Variants in PLCL1 observed in about 807,000 individuals in gnomAD.
PLCL1 encodes the protein phospholipase C like 1 (inactive), also known as inactive phospholipase C-like protein 1.
PLCL1 carries 41 observed loss-of-function variants against 84.4 expected under a neutral mutation model. The ratio of observed to expected loss-of-function variants is 0.49; its 90% CI spans 0.38 to 0.63. The LOEUF (loss-of-function observed/expected upper bound fraction) is 0.63, where lower values mean the gene tolerates loss of function less well. Among genes scored for constraint, PLCL1 ranks in the 30% least tolerant of loss-of-function variants. The probability of loss-of-function intolerance (pLI) is 0.00; values close to 1 mark genes in which losing one functional copy is unlikely to be tolerated. For missense variants in PLCL1, 1,206 were observed against 1,367.8 expected (o/e 0.88, Z 1.87); for synonymous variants, 490 against 488.3 (o/e 1.00, Z -0.05).
At chr2:197,808,550 A>G (rs552780442) in intron 1 of PLCL1, among the ~76,000 whole-genome samples, 2 of 152,354 alleles carry the variant, frequency 1.3e-5, no homozygotes, top group African/African-American at 4.8e-5. Flanking sequence ...AATACATAGC[A>G]AATGTTTTAT....
At chr2:197,861,840 T>C (rs1227355653) in intron 1 of PLCL1, among the ~76,000 whole-genome samples, 1 of 152,214 alleles carries the variant, frequency 6.6e-6, no homozygotes, top group East Asian at 1.9e-4. Context: ...AGAAACTGAC[T>C]TTGTTTTTTT....
At chr2:197,880,144 C>T (rs1687804003) in intron 1 of PLCL1, among the ~76,000 whole-genome samples, 1 of 152,048 alleles carries the variant, frequency 6.6e-6, no homozygotes, top group African/African-American at 2.4e-5. Flanking sequence ...TTATGAATGT[C>T]CAGATCAATA....
At chr2:198,063,332 A>T (rs1692248698) in intron 1 of PLCL1, among the ~76,000 whole-genome samples, 2 of 152,150 alleles carry the variant, frequency 1.3e-5, no homozygotes, top group Non-Finnish European at 2.9e-5. Context: ...GAGGCTGATA[A>T]GTAGGTTCAA....
chr2:197,934,661 A>G (rs1689015033), intron 1 of PLCL1, among the ~76,000 whole-genome samples: 3 of 152,208 alleles, frequency 2.0e-5, no homozygotes, highest in Non-Finnish European at 4.4e-5. Flanking sequence ...AACATTTTAT[A>G]GGTGACAAAA....
At chr2:197,879,163 C>A (rs1366344237) in intron 1 of PLCL1, among the ~76,000 whole-genome samples, 3 of 152,120 alleles carry the variant, frequency 2.0e-5, no homozygotes, top group African/African-American at 7.2e-5. Context: ...CTTAAGGCTG[C>A]CTTTGAGATT....
intron 1 of PLCL1, among the ~76,000 whole-genome samples, chr2:198,055,559 T>A (rs1692050568): frequency 6.6e-6 from 1 of 151,218 alleles, no homozygotes; most frequent in African/African-American, 2.4e-5. Context: ...TAGGTTTAGT[T>A]GGAGAAAACC....
intron 1 of PLCL1, among the ~76,000 whole-genome samples, chr2:198,066,636 ACCT>A (rs1692327129): frequency 1.3e-5 from 2 of 151,786 alleles, no homozygotes; most frequent in African/African-American, 4.8e-5. Context: ...TTGCCTTAAA[ACCT>A]CCATAGAATA....
intron 1 of PLCL1, among the ~76,000 whole-genome samples, chr2:197,834,901 A>C (rs551773845): frequency 1.2e-4 from 18 of 152,360 alleles, no homozygotes; most frequent in Non-Finnish European, 1.9e-4. Context: ...AACTAACCCA[A>C]ATGTCCATCA....
intron 1 of PLCL1, among the ~76,000 whole-genome samples, chr2:197,879,213 C>A (rs1010293297): frequency 6.6e-6 from 1 of 152,156 alleles, no homozygotes; most frequent in Non-Finnish European, 1.5e-5. Context: ...TTGTATAAAG[C>A]TATCTTCTTG....
chr2:198,108,281 T>A (rs899435771), intron 5 of PLCL1, among the ~76,000 whole-genome samples: 1 of 151,904 alleles, frequency 6.6e-6, no homozygotes, highest in African/African-American at 2.4e-5. Context: ...GTGGTACAAT[T>A]CTGCGTTGCC....
At chr2:197,903,468 A>ATTTTTTTTTTTTTTTTTTTTTTTTTTTTT (rs3056105) in intron 1 of PLCL1, among the ~76,000 whole-genome samples, 1 of 47,794 alleles carries the variant, frequency 2.1e-5, no homozygotes, top group African/African-American at 9.0e-5. Flanking sequence ...CTCCATTTAA[A>ATTTTTTTTTTTTTTTTTTTTTTTTTTTTT]TTTTTTTTTT....
At chr2:198,003,590 C>T (rs767884691) in intron 1 of PLCL1, among the ~76,000 whole-genome samples, 7 of 152,182 alleles carry the variant, frequency 4.6e-5, no homozygotes, top group East Asian at 1.9e-4. Context: ...TATTTCACCT[C>T]GTCTAACTTC....
In PLCL1 at chr2:198,018,009, T is replaced by C. The variant is rs112791697; in HGVS notation, c.241-65749T>C. Reference sequence around the variant, plus strand: ...AGACCAACACAGAAGGCGGGTGATTTTTGCATTTCCAACTGAAGCACCCGG... The same window carrying C: ...AGACCAACACAGAAGGCGGGTGATTCTTGCATTTCCAACTGAAGCACCCGG... On this transcript the variant is annotated intron_variant, in intron 1 of 5. Coordinates refer to ENST00000428675, the MANE Select transcript of PLCL1 (RefSeq NM_006226.4). Among the ~76,000 whole-genome samples the C allele has an allele frequency of 9.0e-3, 1,366 of 152,228 alleles. 21 individuals are homozygous for C. Among genetic ancestry groups the C allele is most frequent in the African/African-American group, 0.031 (1,303 of 41,518 alleles).
At chr2:198,017,055 A>T (rs1354098784) in intron 1 of PLCL1, among the ~76,000 whole-genome samples, 1 of 152,172 alleles carries the variant, frequency 6.6e-6, no homozygotes, top group Non-Finnish European at 1.5e-5. Context: ...TAAACTCTTA[A>T]AGGCATGATA....
rs62277913 is a variant in PLCL1, at chr2:198,126,987, T to A, written c.3106-19793T>A. Among the ~76,000 whole-genome samples, 660 of 96,720 alleles carry A rather than the reference T, an allele frequency of 6.8e-3. 3 individuals are homozygous for A. Among genetic ancestry groups the A allele is most frequent in the Admixed American group, 1.0e-2 (76 of 7,616 alleles). 63.5% of individuals were successfully genotyped at this position (96,720 alleles called of 152,430 possible). A position where few individuals can be genotyped will look rare whatever the true frequency, so the allele number is the denominator to read the frequency against. ...TTTTAGCTAGTACAGTGAATGAGTG[T>A]GTGAGTGTGTGTGTGTGTGTGTGTG... On this transcript the variant is annotated intron_variant, in intron 5 of 5. Coordinates refer to ENST00000428675, the MANE Select transcript of PLCL1 (RefSeq NM_006226.4).
At chr2:197,974,746 A>T (rs923420581) in intron 1 of PLCL1, among the ~76,000 whole-genome samples, 2 of 152,202 alleles carry the variant, frequency 1.3e-5, no homozygotes, top group Non-Finnish European at 2.9e-5. Context: ...CTTTGGGAAG[A>T]ATGCCGTTGG....
intron 1 of PLCL1, among the ~76,000 whole-genome samples, chr2:197,988,039 T>C (rs1427935223): frequency 2.0e-5 from 3 of 151,856 alleles, no homozygotes; most frequent in Non-Finnish European, 2.9e-5. Context: ...GAAAGAGCAG[T>C]GATCGGTATT....
At chr2:198,064,008 G>A (rs1232576698) in intron 1 of PLCL1, among the ~76,000 whole-genome samples, 1 of 152,150 alleles carries the variant, frequency 6.6e-6, no homozygotes, top group Admixed American at 6.5e-5. Flanking sequence ...CAATAAGCTA[G>A]TAATCATTAT....
At chr2:198,003,175 A>G (rs1216572570) in intron 1 of PLCL1, among the ~76,000 whole-genome samples, 1 of 152,118 alleles carries the variant, frequency 6.6e-6, no homozygotes, top group Non-Finnish European at 1.5e-5. Context: ...TTAACTAATA[A>G]TGTGAGTTTT....
Sources: gnomAD v4.1 joint callset for allele counts (sites outside exome capture counted in the v4.1 genomes callset) on GRCh38, gnomAD v4.1.1 for gene constraint, MANE v1.5 for transcripts, NCBI Gene and HGNC (gene_info 2026-07-23, HGNC 2026-07-21) for gene names.